MYH11: variants seen among roughly 807,000 people sequenced by gnomAD.
MYH11 encodes the protein myosin heavy chain 11, also known as myosin-11.
Under a neutral mutation model 246.6 loss-of-function variants are expected in MYH11, and 80 were observed. That is an observed-to-expected ratio of 0.32 (90% CI 0.27 to 0.39). The LOEUF is 0.39. MYH11 is among the 10% of genes least tolerant of loss of function. The pLI is 1.00. For missense variants in MYH11, 2,158 were observed against 2,546.8 expected (o/e 0.85, Z 3.29); for synonymous variants, 1,071 against 1,015.5 (o/e 1.05, Z -1.04).
Position 15,823,327 on chromosome 16 carries a change from C to G in MYH11, c.430G>C (p.Gly144Arg). 1 of 1,614,186 alleles carries G rather than the reference C, an allele frequency of 6.2e-7. No homozygotes were observed. The highest frequency in any genetic ancestry group is 8.5e-7 in the Non-Finnish European group (1 of 1,180,036). ...YSEKIVDMYK[G>R]KKRHEMPPHI... ...GGCGGCATCTCGTGCCTCTTCTTGCCCTTGTACATGTCGACGATCTTCTCC... is the reference window on the plus strand; with the variant it reads ...GGCGGCATCTCGTGCCTCTTCTTGCGCTTGTACATGTCGACGATCTTCTCC... Residue 144 changes from glycine (G) to arginine (R), a missense_variant, in exon 3 of 41, where the codon GGC becomes CGC. Transcript: ENST00000300036.
chr16:15,720,905 C>T lies in MYH11; in HGVS notation c.4725G>A (p.Gln1575=). The T allele has an allele frequency of 6.2e-7, 1 of 1,614,046 alleles. No homozygotes were observed. The highest frequency in any genetic ancestry group is 8.5e-7 in the Non-Finnish European group (1 of 1,180,022). ...CCCGGGCTTGGAGATCCCTTTCGAACTGGCCCTTGAGCGCCTGCATGTTGA... is the reference window on the plus strand; with the variant it reads ...CCCGGGCTTGGAGATCCCTTTCGAATTGGCCCTTGAGCGCCTGCATGTTGA... The part of the protein sequence containing the change: ...LEVNMQALKG[Q]FERDLQARDE... The change falls in exon 33 of 41, where the codon CAG becomes CAA. Residue 1575 remains glutamine (Q), a synonymous_variant. Transcript: ENST00000300036.
chr16:15,735,660 AC>A, intron 25 of MYH11, 82 bp from the exon 26 acceptor site: 2 of 1,369,278 alleles, frequency 1.5e-6, no homozygotes, highest in Non-Finnish European at 2.1e-6. Context: ...CTTTTCTGGG[AC>A]CAGACAGTTA....
chr16:15,839,838 G>A (rs894018282), intron 1 of MYH11, among the ~76,000 whole-genome samples: 1 of 152,054 alleles, frequency 6.6e-6, no homozygotes, highest in African/African-American at 2.4e-5. Flanking sequence ...ATCACTTGAG[G>A]TCAGGAGTTT....
chr16:15,816,142 A>T (rs1231365445), intron 3 of MYH11, among the ~76,000 whole-genome samples: 1 of 152,226 alleles, frequency 6.6e-6, no homozygotes, highest in African/African-American at 2.4e-5. Flanking sequence ...GAGTAAAGCA[A>T]GAAAGAGGAA....
Position 15,737,588 on chromosome 16 carries a change from C to G in MYH11, c.3154G>C (p.Glu1052Gln). The change falls in exon 25 of 41, where the codon GAG (glutamate) becomes CAG (glutamine). Residue 1052 changes from glutamate to glutamine, a missense_variant. By Grantham distance (29) the Glu-to-Gln change is conservative. Around this residue, in one of 11 missense-constraint regions of MYH11, gnomAD observed 284 missense variants for 315.4 expected, o/e 0.90. Transcript: ENST00000300036. ...AGCTTCCGTTTCAGCTTCTCCAGCT[C>G]CTGTCGGCTCTTCTCTTCCTTCTTT... ...RLKKEEKSRQ[E>Q]LEKLKRKLEG... 6.2e-7 allele frequency: 1 copy of G among 1,613,664 alleles called. No homozygotes were observed. Among genetic ancestry groups the G allele is most frequent in the Non-Finnish European group, 8.5e-7 (1 of 1,180,012 alleles).
intron 40 of MYH11, chr16:15,713,629 G>A (rs2039946667): frequency 6.6e-6 from 1 of 152,254 alleles, no homozygotes; most frequent in African/African-American, 2.4e-5. Context: ...CTGAGTAGCT[G>A]GGATTTTAGG....
chr16:15,821,295 T>C (rs1313782341), intron 3 of MYH11, among the ~76,000 whole-genome samples: 1 of 152,218 alleles, frequency 6.6e-6, no homozygotes, highest in Non-Finnish European at 1.5e-5. Context: ...GAACGAATTA[T>C]CTTCAGATAG....
chr16:15,717,528 C>T (rs1478227234), intron 37 of MYH11, 180 bp from the exon 38 acceptor site: 16 of 644,126 alleles, frequency 2.5e-5, no homozygotes, highest in Admixed American at 8.1e-5. Flanking sequence ...GGCGTGGTGG[C>T]GCACGCCTGT....
At chr16:15,826,150 A>G (rs182167251) in intron 2 of MYH11, among the ~76,000 whole-genome samples, 64 of 151,684 alleles carry the variant, frequency 4.2e-4, no homozygotes, top group Middle Eastern at 6.8e-3. Context: ...TCGTTCATTC[A>G]TTCATTCATT....
intron 40 of MYH11, among the ~76,000 whole-genome samples, chr16:15,710,670 T>A (rs2039731285): frequency 6.6e-6 from 1 of 151,404 alleles, no homozygotes; most frequent in Non-Finnish European, 1.5e-5. Flanking sequence ...AGAGCACATC[T>A]GAGGGTTTTT....
At chr16:15,809,631 G>A (rs1341038728) in intron 3 of MYH11, among the ~76,000 whole-genome samples, 1 of 151,900 alleles carries the variant, frequency 6.6e-6, no homozygotes, top group African/African-American at 2.4e-5. Context: ...AATTTAACAA[G>A]GAAGGTGCTG....
At chr16:15,779,563 G>A (rs1042946531) in intron 6 of MYH11, 1 of 155,638 alleles carries the variant, frequency 6.4e-6, no homozygotes, top group Non-Finnish European at 1.4e-5. Flanking sequence ...CATATTCAGG[G>A]GCTAGAGGGC....
intron 3 of MYH11, among the ~76,000 whole-genome samples, chr16:15,800,771 T>C (rs760431167): frequency 1.4e-4 from 22 of 152,008 alleles, no homozygotes; most frequent in Non-Finnish European, 2.6e-4. Context: ...TATGCCCAAC[T>C]CCAATCAGTT....
chr16:15,774,947 C>A (rs1269548396), intron 8 of MYH11, among the ~76,000 whole-genome samples: 1 of 152,166 alleles, frequency 6.6e-6, no homozygotes, highest in Non-Finnish European at 1.5e-5. Flanking sequence ...CAATACACTC[C>A]GACACAGCGA....
intron 22 of MYH11, 80 bp downstream of exon 22, chr16:15,741,383 C>A: frequency 6.8e-7 from 1 of 1,465,914 alleles, no homozygotes; most frequent in Non-Finnish European, 9.4e-7. Context: ...GGACACATAT[C>A]CCTGGATGCA....
intron 1 of MYH11, among the ~76,000 whole-genome samples, 200 bp from the exon 2 acceptor site, chr16:15,838,469 A>T (rs1267844506): frequency 6.6e-6 from 1 of 152,174 alleles, no homozygotes; most frequent in African/African-American, 2.4e-5. Flanking sequence ...ATCGCCTAAA[A>T]TACCAAAAGT....
intron 4 of MYH11, 25 bp from the exon 5 acceptor site, chr16:15,786,757 A>G (rs2042479275): frequency 1.3e-6 from 2 of 1,595,410 alleles, no homozygotes; most frequent in African/African-American, 2.7e-5. Context: ...AACATCATCT[A>G]TGCACACGTT....
chr16:15,797,320 A>G (rs2042763968), intron 4 of MYH11, among the ~76,000 whole-genome samples: 2 of 152,122 alleles, frequency 1.3e-5, no homozygotes, highest in African/African-American at 4.8e-5. Context: ...AAACATATGC[A>G]CGTCCATGCA....
chr16:15,759,482 T>A, intron 12 of MYH11, 94 bp downstream of exon 12: 1 of 1,539,328 alleles, frequency 6.5e-7, no homozygotes, highest in Non-Finnish European at 9.0e-7. Context: ...ACAGTAGCCA[T>A]CTACATGCCT....
Sources: allele counts gnomAD v4.1 joint callset (sites outside exome capture counted in the v4.1 genomes callset), GRCh38; gene constraint gnomAD v4.1.1; regional missense constraint gnomAD v4.1.1; transcripts MANE v1.5; gene names NCBI Gene and HGNC (gene_info 2026-07-23, HGNC 2026-07-21).